The following EYS variants were observed in gnomAD, a reference collection of about 807,000 sequenced individuals.
EYS encodes EGF-like photoreceptor maintenance factor.
In EYS, 250 loss-of-function variants were observed where a neutral mutation model predicts 282.1. The ratio of observed to expected loss-of-function variants is 0.89; its 90% CI spans 0.80 to 0.98. The LOEUF is 0.98. Among genes scored for constraint, EYS ranks in the 50% least tolerant of loss-of-function variants. EYS has a pLI of 0.00. For missense variants in EYS, 4,016 were observed against 3,709.0 expected, an observed-to-expected ratio of 1.08 and a Z score of -2.15; for synonymous variants, 1,355 against 1,282.9, an observed-to-expected ratio of 1.06 and a Z score of -1.20.
At chr6:64,860,672 C>A (rs929101583) in intron 19 of EYS, among the ~76,000 whole-genome samples, 2 of 152,210 alleles carry the variant, frequency 1.3e-5, no homozygotes, top group Non-Finnish European at 2.9e-5. Context: ...TTGTTGCCTG[C>A]AACATGGTGA....
intron 26 of EYS, 113 bp from the exon 27 acceptor site, chr6:64,439,465 G>A: frequency 1.6e-6 from 1 of 629,888 alleles, no homozygotes. Flanking sequence ...TCTCTTTCCT[G>A]CCTCTTTCAA....
chr6:64,983,347 C>G (rs938032365), intron 14 of EYS, among the ~76,000 whole-genome samples: 7 of 150,974 alleles, frequency 4.6e-5, no homozygotes, highest in Non-Finnish European at 8.9e-5. Flanking sequence ...TGCATTATGT[C>G]AATTAATCTA....
intron 31 of EYS, among the ~76,000 whole-genome samples, chr6:64,211,672 T>C (rs558077453): frequency 2.0e-4 from 27 of 133,216 alleles, no homozygotes; most frequent in Admixed American, 5.4e-4. Flanking sequence ...CAAAATTTAA[T>C]TCATACATAA....
At chr6:64,908,540 A>C (rs1222709507) in intron 16 of EYS, among the ~76,000 whole-genome samples, 1 of 151,912 alleles carries the variant, frequency 6.6e-6, no homozygotes, top group Non-Finnish European at 1.5e-5. Flanking sequence ...TCCAGTGTCC[A>C]AGAAGAATGA....
At chr6:64,726,274 CTT>C (rs977650359) in intron 22 of EYS, among the ~76,000 whole-genome samples, 7 of 152,090 alleles carry the variant, frequency 4.6e-5, no homozygotes, top group African/African-American at 1.7e-4. Flanking sequence ...TGATGAATGT[CTT>C]TTAACAATTT....
intron 32 of EYS, among the ~76,000 whole-genome samples, chr6:64,069,244 A>G (rs1456335045): frequency 2.0e-5 from 3 of 152,128 alleles, no homozygotes; most frequent in Non-Finnish European, 4.4e-5. Context: ...GCAGCAATAC[A>G]AAATAATGCA....
chr6:64,033,550 A>G (rs1415984620), intron 33 of EYS, among the ~76,000 whole-genome samples: 1 of 152,172 alleles, frequency 6.6e-6, no homozygotes, highest in Non-Finnish European at 1.5e-5. Flanking sequence ...AATAGGTCAG[A>G]AGTCCTGCTG....
rs1288341325 is a variant in EYS, at chr6:64,873,729, GAT to G, written c.2992+12966_2992+12967del. On this transcript the variant is annotated intron_variant, in intron 19 of 42. Coordinates refer to ENST00000503581, the MANE Select transcript of EYS (RefSeq NM_001142800.2). ...AAAATTATCAGTTAGTGGGGAGATG[GAT>G]ATGTTCATTAGCTTGACTGAATCTT... Among the ~76,000 whole-genome samples, 23 of 152,000 alleles carry G rather than the reference GAT, an allele frequency of 1.5e-4. 1 individual carries two copies. In the East Asian group the frequency reaches 3.5e-3, roughly 23 times the overall value.
chr6:64,908,253 G>T (rs543932594), intron 16 of EYS, among the ~76,000 whole-genome samples: 3 of 152,194 alleles, frequency 2.0e-5, no homozygotes, highest in Admixed American at 2.0e-4. Flanking sequence ...TCCAGATGCC[G>T]AAACAGGAGC....
intron 31 of EYS, among the ~76,000 whole-genome samples, chr6:64,205,380 A>G (rs888533751): frequency 1.3e-5 from 2 of 152,110 alleles, no homozygotes; most frequent in Non-Finnish European, 1.5e-5. Context: ...CAACATTACA[A>G]TTTCTTGGTA....
intron 8 of EYS, among the ~76,000 whole-genome samples, chr6:65,357,174 G>C (rs915255516): frequency 1.3e-5 from 2 of 151,894 alleles, no homozygotes; most frequent in Admixed American, 1.3e-4. Context: ...CAACAGAAAA[G>C]CCTTCTGAGC....
At chr6:64,717,090 T>A (rs2149939705) in intron 22 of EYS, among the ~76,000 whole-genome samples, 1 of 152,262 alleles carries the variant, frequency 6.6e-6, no homozygotes, top group Middle Eastern at 3.4e-3. Context: ...AGCTTGTGGG[T>A]TTACCAAAAC....
At chr6:64,176,432 T>A (rs1289782539) in intron 31 of EYS, among the ~76,000 whole-genome samples, 4 of 152,000 alleles carry the variant, frequency 2.6e-5, no homozygotes, top group Admixed American at 6.6e-5. Flanking sequence ...ATAAAAAAAA[T>A]TTGATTGTAA....
chr6:64,662,013 G>T (rs1481234680), intron 22 of EYS, among the ~76,000 whole-genome samples: 2 of 151,896 alleles, frequency 1.3e-5, no homozygotes, highest in Non-Finnish European at 2.9e-5. Context: ...ACTCAATTAA[G>T]AAAACATGGC....
At chr6:63,792,763 T>C (rs1770549901) in intron 37 of EYS, among the ~76,000 whole-genome samples, 2 of 152,072 alleles carry the variant, frequency 1.3e-5, no homozygotes, top group African/African-American at 2.4e-5. Flanking sequence ...GGCCAAGGCA[T>C]GAAACTTGTG....
chr6:64,444,013 C>T (rs557259423), intron 26 of EYS, among the ~76,000 whole-genome samples: 1 of 152,126 alleles, frequency 6.6e-6, no homozygotes, highest in Admixed American at 6.5e-5. Flanking sequence ...GAAAGTTAGT[C>T]AAAGCTTTAG....
At chr6:65,590,902 T>A (rs1765209421) in intron 2 of EYS, among the ~76,000 whole-genome samples, 3 of 152,056 alleles carry the variant, frequency 2.0e-5, no homozygotes, top group South Asian at 4.1e-4. Context: ...TTAGATTCCA[T>A]AACTTGGCTA....
At chr6:64,973,777 A>T (rs574982896) in intron 14 of EYS, among the ~76,000 whole-genome samples, 63 of 152,068 alleles carry the variant, frequency 4.1e-4, no homozygotes, top group Middle Eastern at 3.4e-3. Context: ...TATTCTTTGG[A>T]AATATTACCT....
intron 30 of EYS, among the ~76,000 whole-genome samples, chr6:64,304,463 CACA>C (rs541821462): frequency 2.7e-3 from 413 of 152,290 alleles, no homozygotes; most frequent in Middle Eastern, 6.8e-3. Flanking sequence ...GAACATACTA[CACA>C]ACAACAACAG....
Sources: allele counts gnomAD v4.1 joint callset (sites outside exome capture counted in the v4.1 genomes callset), GRCh38; gene constraint gnomAD v4.1.1; transcripts MANE v1.5; gene names NCBI Gene and HGNC (gene_info 2026-07-23, HGNC 2026-07-21).